CNTN5: variants seen among roughly 807,000 people sequenced by gnomAD.
CNTN5 encodes contactin 5, also known as contactin-5.
A neutral mutation model predicts 129.1 loss-of-function variants in CNTN5; 77 were observed. The observed-to-expected ratio is 0.60, with a 90% CI of 0.50 to 0.72. The LOEUF is 0.72. Among genes scored for constraint, CNTN5 ranks in the 30% least tolerant of loss-of-function variants. CNTN5 has a pLI of 0.00. For missense variants in CNTN5, 1,478 were observed against 1,328.8 expected, an observed-to-expected ratio of 1.11 and a Z score of -1.75; for synonymous variants, 509 against 465.6, an observed-to-expected ratio of 1.09 and a Z score of -1.20.
chr11:99,031,428 A>T (rs963169185), intron 1 of CNTN5, among the ~76,000 whole-genome samples: 7 of 152,152 alleles, frequency 4.6e-5, no homozygotes, highest in Admixed American at 1.3e-4. Flanking sequence ...ATATAGTAGA[A>T]AGAAATGGAA....
intron 2 of CNTN5, among the ~76,000 whole-genome samples, chr11:99,382,874 T>TTTTTTTTTTTTTTC: frequency 7.0e-6 from 1 of 141,894 alleles, no homozygotes; most frequent in Non-Finnish European, 1.5e-5. Context: ...TTTTTTTTTT[T>TTTTTTTTTTTTTTC]TAGACAGAGT....
chr11:100,038,927 G>T (rs1352194113), intron 9 of CNTN5, among the ~76,000 whole-genome samples: 2 of 152,036 alleles, frequency 1.3e-5, no homozygotes, highest in Non-Finnish European at 2.9e-5. Flanking sequence ...TATCCAATTT[G>T]CCAGTCTGTG....
intron 1 of CNTN5, among the ~76,000 whole-genome samples, chr11:99,035,599 CT>C (rs778628730): frequency 0.071 from 10,586 of 148,060 alleles, 693 homozygotes; most frequent in East Asian, 0.22. Flanking sequence ...CAACCCCTGC[CT>C]TTTTTTGTTT....
intron 3 of CNTN5, among the ~76,000 whole-genome samples, chr11:99,811,255 C>T (rs1946419882): frequency 6.6e-6 from 1 of 151,708 alleles, no homozygotes; most frequent in African/African-American, 2.4e-5. Flanking sequence ...TGTAAACATA[C>T]CTCTCATATT....
intron 9 of CNTN5, among the ~76,000 whole-genome samples, chr11:100,050,873 A>T (rs1291422727): frequency 1.3e-5 from 2 of 152,134 alleles, no homozygotes. Flanking sequence ...AAAAAGATTA[A>T]CTTTTCAAGA....
chr11:99,551,876 G>A (rs963509960), intron 2 of CNTN5, among the ~76,000 whole-genome samples: 2 of 151,452 alleles, frequency 1.3e-5, no homozygotes, highest in African/African-American at 4.8e-5. Flanking sequence ...GCACATGACT[G>A]TAGTATGAAA....
At chr11:99,481,622 C>T (rs763457492) in intron 2 of CNTN5, among the ~76,000 whole-genome samples, 12 of 152,112 alleles carry the variant, frequency 7.9e-5, no homozygotes, top group East Asian at 1.9e-4. Context: ...TTCATTATCA[C>T]GGAATAAAAG....
chr11:99,689,692 T>C (rs909185411), intron 3 of CNTN5, among the ~76,000 whole-genome samples: 19 of 152,056 alleles, frequency 1.2e-4, no homozygotes, highest in Admixed American at 5.2e-4. Context: ...GTTGTTGGGC[T>C]TTTTTTCATA....
At chr11:99,043,285 T>TC (rs1225466717) in intron 1 of CNTN5, among the ~76,000 whole-genome samples, 648 of 55,062 alleles carry the variant, frequency 0.012, 6 homozygotes, top group African/African-American at 0.042. Context: ...CCCTCCCCCC[T>TC]CCCCCCACCC....
At chr11:99,640,812 AT>A (rs1565378998) in intron 3 of CNTN5, among the ~76,000 whole-genome samples, 1 of 152,178 alleles carries the variant, frequency 6.6e-6, no homozygotes, top group Non-Finnish European at 1.5e-5. Context: ...CTGACAGCAC[AT>A]TTCTCAGAAT....
At chr11:99,371,150 C>A (rs931223400) in intron 2 of CNTN5, among the ~76,000 whole-genome samples, 2 of 151,810 alleles carry the variant, frequency 1.3e-5, no homozygotes, top group African/African-American at 2.4e-5. Flanking sequence ...TAGATCCTTA[C>A]CTAGTGAAGA....
intron 6 of CNTN5, among the ~76,000 whole-genome samples, chr11:99,906,349 GT>G (rs1259009850): frequency 2.0e-5 from 3 of 151,902 alleles, no homozygotes; most frequent in Admixed American, 1.3e-4. Context: ...GCATGAAGGG[GT>G]GGGGTGTTGA....
intron 9 of CNTN5, among the ~76,000 whole-genome samples, chr11:100,018,533 C>T (rs1436797938): frequency 6.6e-6 from 1 of 151,784 alleles, no homozygotes; most frequent in Non-Finnish European, 1.5e-5. Flanking sequence ...AGTAGTGTTC[C>T]ATTTTATGGC....
chr11:99,523,699 T>A (rs11220288), intron 2 of CNTN5, among the ~76,000 whole-genome samples: 1 of 69,016 alleles, frequency 1.4e-5, no homozygotes, highest in Admixed American at 1.4e-4. Flanking sequence ...CAGAACAGAA[T>A]AGAACAGAAT....
intron 3 of CNTN5, among the ~76,000 whole-genome samples, chr11:99,722,064 A>C (rs943161250): frequency 6.6e-6 from 1 of 152,310 alleles, no homozygotes; most frequent in African/African-American, 2.4e-5. Context: ...ATTGTGGGAA[A>C]GCAGTATAGC....
At chr11:99,803,330 G>T (rs1372215526) in intron 3 of CNTN5, among the ~76,000 whole-genome samples, 1 of 152,208 alleles carries the variant, frequency 6.6e-6, no homozygotes, top group Non-Finnish European at 1.5e-5. Flanking sequence ...AACCACAGCT[G>T]TAGTAGCTCT....
At chr11:99,448,097 A>G (rs1198816542) in intron 2 of CNTN5, among the ~76,000 whole-genome samples, 2 of 152,150 alleles carry the variant, frequency 1.3e-5, no homozygotes, top group African/African-American at 4.8e-5. Flanking sequence ...AACATTATAT[A>G]TATCTATATA....
At position 99,376,417 on chromosome 11, in the gene CNTN5, C is replaced by T. The variant is rs1489406931; in HGVS notation, c.-71+50933C>T. ...GTTGAAGGGACACTCCTGTCAGTGA[C>T]GTGGTATTCTCTTGGTAGTGGGAGG... On this transcript the variant is annotated intron_variant, in intron 2 of 24. Transcript: ENST00000524871. Among the ~76,000 whole-genome samples, 10 of 152,072 alleles carry T rather than the reference C, an allele frequency of 6.6e-5. No individual in the cohort carries two copies. The East Asian group carries it at 7.7e-4, about 12-fold the overall frequency.
intron 1 of CNTN5, among the ~76,000 whole-genome samples, chr11:99,079,116 C>T (rs900782481): frequency 6.6e-6 from 1 of 151,996 alleles, no homozygotes; most frequent in Admixed American, 6.6e-5. Flanking sequence ...ACTTGTATGT[C>T]TATAAACTTA....
Sources: gnomAD v4.1 joint callset for allele counts (sites outside exome capture counted in the v4.1 genomes callset) on GRCh38, gnomAD v4.1.1 for gene constraint, MANE v1.5 for transcripts, NCBI Gene and HGNC (gene_info 2026-07-23, HGNC 2026-07-21) for gene names.